Variants in ANKRD30A observed in about 807,000 individuals in gnomAD.
ANKRD30A encodes ankyrin repeat domain-containing protein 30A.
In ANKRD30A, 170 loss-of-function variants were observed where a neutral mutation model predicts 166.3. The observed-to-expected ratio is 1.02, with a 90% confidence interval of 0.90 to 1.16. ANKRD30A has a LOEUF of 1.16. Ranked by LOEUF, ANKRD30A falls within the 50% of genes most tolerant of loss-of-function variation. The pLI is 0.00. For missense variants in ANKRD30A, 1,630 were observed against 1,518.0 expected (o/e 1.07, Z -1.23); for synonymous variants, 564 against 508.9 (o/e 1.11, Z -1.46).
rs557264466 is a variant in ANKRD30A, at chr10:37,162,674, C to T, written c.1926C>T (p.Phe642=). The T allele has an allele frequency of 5.0e-6, 8 of 1,612,410 alleles. No homozygotes were observed. Among genetic ancestry groups the T allele is most frequent in the Admixed American group, 1.7e-5 (1 of 59,994 alleles). ...KAEPPGKPSA[F]EPATEMQKSV... Reference sequence around the variant, plus strand: ...AGCCTCCGGGGAAGCCATCTGCCTTCGAGGTATTTAGTTTTATGATTTCAT... The same window carrying T: ...AGCCTCCGGGGAAGCCATCTGCCTTTGAGGTATTTAGTTTTATGATTTCAT... Residue 642 remains phenylalanine (F), a synonymous_variant, in exon 16 of 36, where the codon TTC becomes TTT. Coordinates refer to ENST00000361713, the MANE Select transcript of ANKRD30A (RefSeq NM_052997.3).
In ANKRD30A at chr10:37,205,204, A is replaced by G. The variant is rs928945031; in HGVS notation, c.2869+3879A>G. 2.0e-5 allele frequency among the ~76,000 whole-genome samples: 3 copies of G among 152,104 alleles called. No individual in the cohort carries two copies. In the East Asian group the frequency reaches 5.8e-4, roughly 29 times the overall value. ...GCAAAGACTTGGAACTAACCCAAAT[A>G]TACATCAATGATAGACTGGATTAAG... On this transcript the variant is annotated intron_variant, in intron 31 of 35. Coordinates refer to ENST00000361713, the MANE Select transcript of ANKRD30A (RefSeq NM_052997.3).
Position 37,147,458 on chromosome 10 carries a change from GT to G in ANKRD30A, c.1543+2del. ...ATGGAGATAAATAGAGAAGTAGAAG[GT>G]AAGAACGATTTTTTATTTGAAAAGT... On this transcript the variant is annotated splice_donor_variant, in intron 9 of 35. Coordinates refer to ENST00000361713, the MANE Select transcript of ANKRD30A (RefSeq NM_052997.3). LOFTEE classifies it high-confidence loss of function. 2 of 1,555,488 alleles carry G rather than the reference GT, an allele frequency of 1.3e-6. No individual in the cohort carries two copies. The highest frequency in any genetic ancestry group is 1.7e-6 in the Non-Finnish European group (2 of 1,145,876).
At chr10:37,251,138 C>T in the ANKRD30A span, among the ~76,000 whole-genome samples, 8 of 152,146 alleles carry the variant, frequency 5.3e-5, no homozygotes, top group Non-Finnish European at 1.0e-4. Flanking sequence ...GAAGATAGGA[C>T]TGCTCTGTAG....
At chr10:37,159,317 G>A (rs1838645353) in intron 15 of ANKRD30A, among the ~76,000 whole-genome samples, 1 of 152,134 alleles carries the variant, frequency 6.6e-6, no homozygotes, top group Admixed American at 6.6e-5. Context: ...AGGAGTCCCA[G>A]ACCAGCCTGG....
In ANKRD30A at chr10:37,134,052, C is replaced by G. The variant is rs1409225222; in HGVS notation, c.754C>G (p.His252Asp). 1.2e-6 allele frequency: 2 copies of G among 1,613,598 alleles called. No individual in the cohort carries two copies. The highest frequency in any genetic ancestry group is 2.7e-5 in the African/African-American group (2 of 74,916). The change falls in exon 5 of 36, where the codon CAC (histidine) becomes GAC (aspartate). Residue 252 changes from histidine (H) to aspartate (D), a missense_variant and splice_region_variant. Physicochemically the swap from His to Asp is moderately conservative, Grantham distance 81. Coordinates refer to ENST00000361713, the MANE Select transcript of ANKRD30A (RefSeq NM_052997.3). ...TTATGCTGTTACTTGTGGATTTCATCAGTAAGTGTTTACGTTTAGAGGCTA... is the reference window on the plus strand; with the variant it reads ...TTATGCTGTTACTTGTGGATTTCATGAGTAAGTGTTTACGTTTAGAGGCTA... Reference protein sequence around the residue: ...EHYAVTCGFHHIHEQIMEYIR... With the variant: ...EHYAVTCGFHDIHEQIMEYIR...
At chr10:37,220,017 AT>A (rs1390991896) in intron 34 of ANKRD30A, 120 bp downstream of exon 34, 46 of 153,642 alleles carry the variant, frequency 3.0e-4, no homozygotes, top group Middle Eastern at 1.7e-3. Context: ...ATATATATAT[AT>A]ATATATATAT....
At position 37,219,403 on chromosome 10, in the gene ANKRD30A, T is replaced by C. The variant is rs772245752; in HGVS notation, c.3691T>C (p.Leu1231=). The part of the protein sequence containing the change: ...PAFHIAGDAC[L]QRKMNVDVSS... ...TTTCCACATTGCAGGAGATGCTTGT[T>C]TGCAAAGAAAAATGAATGTTGATGT... is the stretch of plus-strand genomic sequence containing the variant. Residue 1231 remains leucine, a synonymous_variant, in exon 34 of 36, where the codon TTG becomes CTG. Coordinates refer to ENST00000361713, the MANE Select transcript of ANKRD30A (RefSeq NM_052997.3). 1.1e-5 allele frequency: 18 copies of C among 1,610,620 alleles called. No homozygotes were observed. The highest frequency in any genetic ancestry group is 3.3e-4 in the Middle Eastern group (2 of 6,042).
At chr10:37,161,072 C>A (rs537773449) in intron 15 of ANKRD30A, among the ~76,000 whole-genome samples, 3 of 152,108 alleles carry the variant, frequency 2.0e-5, no homozygotes, top group Non-Finnish European at 4.4e-5. Flanking sequence ...ACTAACAAGG[C>A]GAAACCCTGT....
At chr10:37,132,206 T>A (rs1836418443) in intron 3 of ANKRD30A, 34 bp from the exon 4 acceptor site, 1 of 1,437,654 alleles carries the variant, frequency 7.0e-7, no homozygotes. Flanking sequence ...AATATGTAAT[T>A]TCATGAATTA....
intron 27 of ANKRD30A, among the ~76,000 whole-genome samples, chr10:37,196,761 A>C (rs1194049776): frequency 6.6e-6 from 1 of 152,108 alleles, no homozygotes; most frequent in East Asian, 1.9e-4. Context: ...ATATGATTAC[A>C]CCCTATGGTT....
intron 34 of ANKRD30A, among the ~76,000 whole-genome samples, chr10:37,226,354 C>A (rs1028947966): frequency 1.4e-5 from 2 of 145,956 alleles, no homozygotes; most frequent in African/African-American, 5.0e-5. Context: ...TGAGAACATG[C>A]GGCGTTTGGT....
At chr10:37,229,374 A>G (rs915146892) in intron 34 of ANKRD30A, among the ~76,000 whole-genome samples, 1 of 151,966 alleles carries the variant, frequency 6.6e-6, no homozygotes, top group Non-Finnish European at 1.5e-5. Context: ...GTTGACATGT[A>G]CATACACGTT....
Position 37,130,359 on chromosome 10 carries a change from T to A in ANKRD30A, c.491T>A (p.Val164Asp). Residue 164 changes from valine (V) to aspartate (D), a missense_variant, in exon 3 of 36, where the codon GTC becomes GAC. Around this residue, in one of 4 missense-constraint regions of ANKRD30A, gnomAD observed 904 missense variants for 818.5 expected, o/e 1.10. Transcript: ENST00000361713. ...VVAKLLSHGAVIEVHNKASLT... is the reference protein window; with the variant it reads ...VVAKLLSHGADIEVHNKASLT... ...GCAAAACTGCTGTCCCATGGTGCAG[T>A]CATCGAAGTGCACAACAAGGTAGAC... is the stretch of plus-strand genomic sequence containing the variant. The A allele has an allele frequency of 6.6e-7, 1 of 1,524,098 alleles. No individual in the cohort carries two copies. Among genetic ancestry groups the A allele is most frequent in the Non-Finnish European group, 8.8e-7 (1 of 1,134,446 alleles). The allele number at this position is 1,524,098 out of a possible 1,614,324, so 94.4% of individuals were successfully genotyped here.
chr10:37,222,574 G>C (rs1333315463), intron 34 of ANKRD30A, among the ~76,000 whole-genome samples: 1 of 151,152 alleles, frequency 6.6e-6, no homozygotes, highest in East Asian at 2.0e-4. Flanking sequence ...TCACTTACAA[G>C]TTATTGTGTG....
intron 6 of ANKRD30A, among the ~76,000 whole-genome samples, chr10:37,141,220 AC>A (rs1226361121): frequency 1.3e-5 from 2 of 152,122 alleles, no homozygotes; most frequent in African/African-American, 4.8e-5. Context: ...TCATGTCGTT[AC>A]TGTATTCAGC....
At chr10:37,265,025 G>A in the ANKRD30A span, among the ~76,000 whole-genome samples, 2 of 152,210 alleles carry the variant, frequency 1.3e-5, no homozygotes, top group African/African-American at 4.8e-5. Context: ...CAGTTTTGAT[G>A]TTGTACTCTG....
At chr10:37,225,691 G>A (rs1296097011) in intron 34 of ANKRD30A, among the ~76,000 whole-genome samples, 5 of 151,476 alleles carry the variant, frequency 3.3e-5, no homozygotes, top group Admixed American at 2.0e-4. Context: ...TCTATAAGGC[G>A]GGCATACTGC....
chr10:37,191,963 A>T (rs376648662), intron 25 of ANKRD30A, among the ~76,000 whole-genome samples: 1 of 152,174 alleles, frequency 6.6e-6, no homozygotes, highest in East Asian at 1.9e-4. Context: ...TTATTGTAAC[A>T]TTGAAATATG....
rs1835964824 is a variant in ANKRD30A at position 37,125,807 on chromosome 10, C to T, written c.20C>T (p.Ala7Val). 1 of 745,250 alleles carries T rather than the reference C, an allele frequency of 1.3e-6. No individual in the cohort carries two copies. The highest frequency in any genetic ancestry group is 2.2e-6 in the Non-Finnish European group (1 of 446,052). 46.2% of individuals were successfully genotyped at this position (745,250 alleles called of 1,614,324 possible). A position where few individuals can be genotyped will look rare whatever the true frequency, so the allele number is the denominator to read the frequency against. The change falls in exon 1 of 36, where the codon GCC becomes GTC. Residue 7 changes from alanine (A) to valine (V), a missense_variant. Physicochemically the swap from Ala to Val is moderately conservative, Grantham distance 64. This residue lies in a region of ANKRD30A where 904 missense variants were observed against 818.5 expected (regional missense o/e 1.10). Transcript: ENST00000361713. MEEISA[A>V]AVKVVPGPER... ...GCAGCCATGGAGGAGATCTCTGCCG[C>T]CGCTGTCAAGGTCGTGCCGGGCCCG...
Sources: gnomAD v4.1 joint callset for allele counts (sites outside exome capture counted in the v4.1 genomes callset) on GRCh38, gnomAD v4.1.1 for gene constraint, gnomAD v4.1.1 regional missense constraint, MANE v1.5 for transcripts, NCBI Gene and HGNC (gene_info 2026-07-23, HGNC 2026-07-21) for gene names.